GTF2F2: variants seen among roughly 807,000 people sequenced by gnomAD.
The protein encoded by GTF2F2 is ATP-dependent helicase GTF2F2.
GTF2F2 carries 23 observed loss-of-function variants against 42.2 expected under a neutral mutation model. The ratio of observed to expected loss-of-function variants is 0.55; its 90% confidence interval spans 0.39 to 0.77. GTF2F2 has a LOEUF of 0.77. Ranked by LOEUF, GTF2F2 falls within the 30% of genes least tolerant of loss-of-function variation. The probability of loss-of-function intolerance (pLI) is 0.00; values close to 1 mark genes in which losing one functional copy is unlikely to be tolerated. For missense variants in GTF2F2, 261 were observed against 287.2 expected (o/e 0.91, Z 0.66); for synonymous variants, 105 against 100.8 (o/e 1.04, Z -0.25).
At position 45,161,567 on chromosome 13, in the gene GTF2F2, C is replaced by A. The variant is rs139184478; in HGVS notation, c.304+9736C>A. ...TGGTTTTAAGAATACAGGGGCCGGG[C>A]ACCGTGGCTCAGGCCTGTAATCCCA... On this transcript the variant is annotated intron_variant, in intron 4 of 7. Coordinates refer to ENST00000340473, the MANE Select transcript of GTF2F2 (RefSeq NM_004128.3). Among the ~76,000 whole-genome samples, 340 of 152,312 alleles carry A rather than the reference C, an allele frequency of 2.2e-3. 5 individuals are homozygous for A. Among genetic ancestry groups the A allele is most frequent in the African/African-American group, 7.7e-3 (321 of 41,568 alleles).
At chr13:45,125,303 G>GT (rs1160649636) in intron 1 of GTF2F2, among the ~76,000 whole-genome samples, 57 of 150,740 alleles carry the variant, frequency 3.8e-4, no homozygotes, top group Admixed American at 7.3e-4. Flanking sequence ...GCGTCTCTCT[G>GT]TTTTTTTTTG....
chr13:45,274,090 C>CT (rs901729066), intron 7 of GTF2F2, among the ~76,000 whole-genome samples: 1 of 152,060 alleles, frequency 6.6e-6, no homozygotes. Context: ...CAGCACTGGC[C>CT]TTCTTCACTT....
intron 5 of GTF2F2, among the ~76,000 whole-genome samples, chr13:45,242,452 C>A (rs886616407): frequency 2.0e-5 from 3 of 151,962 alleles, no homozygotes; most frequent in African/African-American, 7.3e-5. Context: ...AATACACATT[C>A]TTTTGTAGAA....
intron 5 of GTF2F2, among the ~76,000 whole-genome samples, chr13:45,215,023 C>G (rs756603236): frequency 2.0e-5 from 3 of 152,064 alleles, no homozygotes; most frequent in Non-Finnish European, 2.9e-5. Flanking sequence ...ACACAGGTTC[C>G]CATATGATTA....
chr13:45,260,476 A>G (rs1876294794), intron 6 of GTF2F2, among the ~76,000 whole-genome samples: 1 of 152,248 alleles, frequency 6.6e-6, no homozygotes, highest in Admixed American at 6.5e-5. Context: ...ATAAGGATTT[A>G]ACATGCAGAA....
chr13:45,283,393 T>TCC, intron 7 of GTF2F2, 49 bp from the exon 8 acceptor site: 1 of 1,546,038 alleles, frequency 6.5e-7, no homozygotes, highest in African/African-American at 1.4e-5. Flanking sequence ...TTAAGTTTTG[T>TCC]CCCCTGCATT....
chr13:45,265,911 G>A (rs973215237), intron 6 of GTF2F2, among the ~76,000 whole-genome samples: 1 of 152,186 alleles, frequency 6.6e-6, no homozygotes, highest in Non-Finnish European at 1.5e-5. Flanking sequence ...ACCTACTGAT[G>A]CTTTCTTCAC....
intron 1 of GTF2F2, among the ~76,000 whole-genome samples, chr13:45,136,327 T>G (rs377413200): frequency 9.2e-5 from 14 of 152,364 alleles, no homozygotes; most frequent in Admixed American, 5.9e-4. Context: ...AGTTACAATT[T>G]TCTACATAAT....
intron 5 of GTF2F2, among the ~76,000 whole-genome samples, chr13:45,225,697 G>C (rs1874317619): frequency 6.6e-6 from 1 of 151,814 alleles, no homozygotes; most frequent in South Asian, 2.1e-4. Context: ...CAGAGCAAAG[G>C]CAAAATATTT....
intron 5 of GTF2F2, among the ~76,000 whole-genome samples, chr13:45,228,687 T>TTTTTTTA (rs1874504585): frequency 6.7e-6 from 1 of 148,938 alleles, no homozygotes; most frequent in Non-Finnish European, 1.5e-5. Context: ...TTTTTTTTTT[T>TTTTTTTA]GAGACGGAGT....
At chr13:45,178,121 AT>A (rs1298396096) in intron 4 of GTF2F2, among the ~76,000 whole-genome samples, 2 of 151,262 alleles carry the variant, frequency 1.3e-5, no homozygotes, top group African/African-American at 2.4e-5. Context: ...TGTTACTTCT[AT>A]TTTTTTTCTC....
chr13:45,168,241 G>T (rs1026822462), intron 4 of GTF2F2, among the ~76,000 whole-genome samples: 4 of 152,138 alleles, frequency 2.6e-5, no homozygotes, highest in Non-Finnish European at 4.4e-5. Context: ...GTCAGTGTTC[G>T]CCCATAGCCT....
intron 4 of GTF2F2, among the ~76,000 whole-genome samples, chr13:45,197,323 C>A (rs1193503049): frequency 6.8e-6 from 1 of 146,366 alleles, no homozygotes; most frequent in African/African-American, 2.6e-5. Context: ...ATAGGGAAAT[C>A]CTTTGTCTAC....
intron 7 of GTF2F2, among the ~76,000 whole-genome samples, chr13:45,278,457 T>C (rs1877120258): frequency 6.6e-6 from 1 of 152,206 alleles, no homozygotes; most frequent in Non-Finnish European, 1.5e-5. Context: ...CCTGAGCCAG[T>C]TTATTCAGAT....
chr13:45,229,647 A>G (rs180725011), intron 5 of GTF2F2, among the ~76,000 whole-genome samples: 180 of 152,296 alleles, frequency 1.2e-3, no homozygotes, highest in African/African-American at 3.4e-3. Context: ...GAGGTAGGAA[A>G]GATGGTGAAG....
At chr13:45,129,756 TGAG>T (rs1419324215) in intron 1 of GTF2F2, among the ~76,000 whole-genome samples, 4 of 152,130 alleles carry the variant, frequency 2.6e-5, no homozygotes, top group Admixed American at 6.5e-5. Context: ...TACGTTCTAA[TGAG>T]GAGGGAGAAT....
chr13:45,166,200 C>T (rs1566120396), intron 4 of GTF2F2, among the ~76,000 whole-genome samples: 1 of 152,094 alleles, frequency 6.6e-6, no homozygotes, highest in East Asian at 1.9e-4. Flanking sequence ...TTAACAATTC[C>T]AAAATATCAT....
chr13:45,153,176 ATTTT>A (rs563596862), intron 4 of GTF2F2, among the ~76,000 whole-genome samples: 1 of 141,694 alleles, frequency 7.1e-6, no homozygotes. Flanking sequence ...TGCCCGGCTA[ATTTT>A]TTTTTTTTTT....
At chr13:45,126,086 A>G (rs962115501) in intron 1 of GTF2F2, among the ~76,000 whole-genome samples, 1 of 152,098 alleles carries the variant, frequency 6.6e-6, no homozygotes, top group East Asian at 1.9e-4. Context: ...TAATGCCCTC[A>G]GTGCTGAAGG....
Sources: gnomAD v4.1 joint callset for allele counts (sites outside exome capture counted in the v4.1 genomes callset) on GRCh38, gnomAD v4.1.1 for gene constraint, MANE v1.5 for transcripts, NCBI Gene and HGNC (gene_info 2026-07-23, HGNC 2026-07-21) for gene names.